ZFYVE16: variants seen among roughly 807,000 people sequenced by gnomAD.
ZFYVE16 encodes the protein zinc finger FYVE domain-containing protein 16.
A neutral mutation model predicts 138.1 loss-of-function variants in ZFYVE16; 89 were observed. The ratio of observed to expected loss-of-function variants is 0.64; its 90% CI spans 0.54 to 0.77. The LOEUF is 0.77. Ranked by LOEUF, ZFYVE16 falls within the 30% of genes least tolerant of loss-of-function variation. The pLI is 0.00. For synonymous variants in ZFYVE16, 596 were observed against 618.3 expected (o/e 0.96, Z 0.53); for missense variants, 1,793 against 1,786.7 (o/e 1.00, Z -0.06).
At position 80,472,995 on chromosome 5, in the gene ZFYVE16, A is replaced by C. The variant is rs920221999; in HGVS notation, c.4187+72A>C. On this transcript the variant is annotated intron_variant, in intron 16 of 18. Coordinates refer to ENST00000505560, the MANE Select transcript of ZFYVE16 (RefSeq NM_001284236.3). ...CAGGATTAAAATATCCTATTAATAA[A>C]ATTAAATATTTTATGAACGAATATA... 9.9e-6 allele frequency: 13 copies of C among 1,313,492 alleles called. No individual in the cohort carries two copies. The African/African-American group carries it at 1.5e-4, about 15-fold the overall frequency. The allele number at this position is 1,313,492 out of a possible 1,614,324, so 81.4% of individuals were successfully genotyped here.
intron 2 of ZFYVE16, among the ~76,000 whole-genome samples, chr5:80,431,729 C>T (rs1749057173): frequency 6.6e-6 from 1 of 152,186 alleles, no homozygotes; most frequent in Non-Finnish European, 1.5e-5. Context: ...TGATAAGCAA[C>T]TTCAGCAAAG....
chr5:80,445,934 T>C (rs1751294879), intron 7 of ZFYVE16, among the ~76,000 whole-genome samples: 2 of 151,030 alleles, frequency 1.3e-5, no homozygotes, highest in South Asian at 4.2e-4. Context: ...GAGTTTCTGT[T>C]GCCCAGGCTG....
rs371505151 is a variant in ZFYVE16 at position 80,449,580 on chromosome 5, T to C, written c.3104-11T>C. 6.2e-7 allele frequency: 1 copy of C among 1,601,528 alleles called. No individual in the cohort carries two copies. Among genetic ancestry groups the C allele is most frequent in the South Asian group, 1.1e-5 (1 of 88,416 alleles). On this transcript the variant is annotated splice_polypyrimidine_tract_variant and intron_variant, in intron 8 of 18. Coordinates refer to ENST00000505560, the MANE Select transcript of ZFYVE16 (RefSeq NM_001284236.3). ...ATTTATCCTGATTAATATATTACTT[T>C]CATCATTTAGTGCCTGTAGTAGAAG...
intron 2 of ZFYVE16, among the ~76,000 whole-genome samples, chr5:80,433,275 A>G (rs535509425): frequency 1.2e-4 from 19 of 152,228 alleles, no homozygotes; most frequent in Non-Finnish European, 2.4e-4. Context: ...GGATGAGTTC[A>G]TGTCATTTGT....
rs1374077155 is a variant in ZFYVE16, at chr5:80,481,858, C to T, written c.*4481C>T. 6.6e-6 allele frequency among the ~76,000 whole-genome samples: 1 copy of T among 152,102 alleles called. No homozygotes were observed. Among genetic ancestry groups the T allele is most frequent in the African/African-American group, 2.4e-5 (1 of 41,430 alleles). On this transcript the variant is annotated 3_prime_UTR_variant, in exon 19 of 19. Transcript: ENST00000505560. ...TATTTATTTTTGAGACAGTCTCTAT[C>T]ACCCAGGCTAGAGTGCAGTGATACA...
Position 80,438,276 on chromosome 5 carries a change from G to C in ZFYVE16, c.1591G>C (p.Ala531Pro). The change falls in exon 4 of 19, where the codon GCT (alanine) becomes CCT (proline). Residue 531 changes from alanine (A) to proline (P), a missense_variant. Ala to Pro is a conservative substitution (Grantham distance 27, BLOSUM62 -1). Around this residue, in one of 2 missense-constraint regions of ZFYVE16, gnomAD observed 1,295 missense variants for 1,204.3 expected, o/e 1.08. Coordinates refer to ENST00000505560, the MANE Select transcript of ZFYVE16 (RefSeq NM_001284236.3). Reference sequence around the variant, plus strand: ...AAAAAGTGGCCCACTAATTAGTGATGCTGAACTTGATGCCTTTCTGACAGA... The same window carrying C: ...AAAAAGTGGCCCACTAATTAGTGATCCTGAACTTGATGCCTTTCTGACAGA... ...GAKSGPLISD[A>P]ELDAFLTEQY... 1.2e-6 allele frequency: 2 copies of C among 1,614,062 alleles called. No individual in the cohort carries two copies. Among genetic ancestry groups the C allele is most frequent in the Non-Finnish European group, 1.7e-6 (2 of 1,179,966 alleles).
intron 1 of ZFYVE16, among the ~76,000 whole-genome samples, chr5:80,408,828 A>G (rs1430566914): frequency 6.6e-6 from 1 of 152,238 alleles, no homozygotes; most frequent in East Asian, 1.9e-4. Context: ...CAGTCCATAC[A>G]TTTGATATTA....
intron 12 of ZFYVE16, 27 bp downstream of exon 12, chr5:80,455,801 T>C: frequency 6.5e-7 from 1 of 1,530,106 alleles, no homozygotes. Context: ...TTTTATTAGG[T>C]ATTTTTATAC....
chr5:80,422,541 G>A (rs3096112), intron 1 of ZFYVE16, among the ~76,000 whole-genome samples: 120,555 of 151,912 alleles, frequency 0.79, 50,274 homozygotes, highest in East Asian at 0.92. Flanking sequence ...TGCAACCTCC[G>A]CCTCCCGGAT....
Position 80,457,042 on chromosome 5 carries a change from A to G in ZFYVE16, c.3893A>G (p.Asp1298Gly), listed in dbSNP as rs761428479. The stretch of plus-strand genomic sequence containing the variant: ...TCTCATCTAGTCTGTATACAGAATG[A>G]TGGAATTTATGAAACACAGGCCAAC... ...ADSHLVCIQN[D>G]GIYETQANSA... Residue 1298 changes from aspartate to glycine, a missense_variant, in exon 14 of 19, where the codon GAT becomes GGT. Physicochemically the swap from Asp to Gly is moderately conservative, Grantham distance 94. Coordinates refer to ENST00000505560, the MANE Select transcript of ZFYVE16 (RefSeq NM_001284236.3). The G allele has an allele frequency of 6.2e-7, 1 of 1,612,830 alleles. No homozygotes were observed. Among genetic ancestry groups the G allele is most frequent in the East Asian group, 2.2e-5 (1 of 44,800 alleles).
intron 1 of ZFYVE16, among the ~76,000 whole-genome samples, chr5:80,426,199 GTGGTGT>G (rs1423992405): frequency 2.9e-4 from 26 of 89,410 alleles, no homozygotes; most frequent in Non-Finnish European, 5.6e-4. Flanking sequence ...ATGTGTGTGT[GTGGTGT>G]GTGTGTGTGT....
intron 1 of ZFYVE16, among the ~76,000 whole-genome samples, chr5:80,424,813 T>C (rs756867910): frequency 5.9e-5 from 9 of 152,246 alleles, no homozygotes; most frequent in Non-Finnish European, 1.3e-4. Flanking sequence ...CACTCTTCTA[T>C]GTGCGTGGTA....
intron 15 of ZFYVE16, among the ~76,000 whole-genome samples, chr5:80,462,802 T>C (rs966922901): frequency 2.0e-5 from 3 of 152,132 alleles, no homozygotes; most frequent in African/African-American, 7.2e-5. Flanking sequence ...AGGCGTTGGG[T>C]AAATACACCC....
Position 80,479,577 on chromosome 5 carries a change from T to G in ZFYVE16, c.*2200T>G, listed in dbSNP as rs1391827955. 1.3e-5 allele frequency among the ~76,000 whole-genome samples: 2 copies of G among 152,196 alleles called. No individual in the cohort carries two copies. The highest frequency in any genetic ancestry group is 2.9e-5 in the Non-Finnish European group (2 of 68,024). ...CCCTGTAGGAGCAAAGATTCAATTG[T>G]GGGAAACTACTTGTTTCTGAAAATT... On this transcript the variant is annotated 3_prime_UTR_variant, in exon 19 of 19. Transcript: ENST00000505560.
At chr5:80,443,914 G>A in intron 6 of ZFYVE16, 1 of 450,534 alleles carries the variant, frequency 2.2e-6, no homozygotes, top group Non-Finnish European at 4.5e-6. Flanking sequence ...GGTTTGAGAG[G>A]CAATAGGTAA....
At chr5:80,443,960 T>C in intron 6 of ZFYVE16, 2 of 377,802 alleles carry the variant, frequency 5.3e-6, no homozygotes, top group Non-Finnish European at 1.1e-5. Context: ...AAAATCTATT[T>C]TTAATTGTGT....
At chr5:80,449,851 T>A in intron 9 of ZFYVE16, 138 bp downstream of exon 9, 1 of 990,722 alleles carries the variant, frequency 1.0e-6, no homozygotes, top group Non-Finnish European at 1.4e-6. Flanking sequence ...CATATGACTG[T>A]AAATAAATTT....
chr5:80,440,017 G>A lies in ZFYVE16; in HGVS notation c.2404G>A (p.Glu802Lys). 6.2e-7 allele frequency: 1 copy of A among 1,608,432 alleles called. No homozygotes were observed. The highest frequency in any genetic ancestry group is 1.7e-4 in the Middle Eastern group (1 of 6,024). The change falls in exon 5 of 19, where the codon GAA becomes AAA. Residue 802 changes from glutamate to lysine, a missense_variant. Physicochemically the swap from Glu to Lys is moderately conservative, Grantham distance 56. Transcript: ENST00000505560. ...AGCAAGAGTATGTGTAGTCTGCTAT[G>A]AAACTATTAGTAAAGGTGAGTATTA... The part of the protein sequence containing the change: ...KEARVCVVCY[E>K]TISKAQAFER...
chr5:80,440,480 T>C (rs1750544993), intron 5 of ZFYVE16: 1 of 985,400 alleles, frequency 1.0e-6, no homozygotes, highest in African/African-American at 1.7e-5. Flanking sequence ...GATAAGGTGG[T>C]AATATTTATG....
Sources: allele counts gnomAD v4.1 joint callset (sites outside exome capture counted in the v4.1 genomes callset), GRCh38; gene constraint gnomAD v4.1.1; regional missense constraint gnomAD v4.1.1; transcripts MANE v1.5; gene names NCBI Gene and HGNC (gene_info 2026-07-23, HGNC 2026-07-21).